The following ZMYND12 variants were observed in gnomAD, a reference collection of about 807,000 sequenced individuals.
The protein encoded by ZMYND12 is zinc finger MYND domain-containing protein 12.
ZMYND12 carries 32 observed loss-of-function variants against 41.7 expected under a neutral mutation model. The ratio of observed to expected loss-of-function variants is 0.77; its 90% confidence interval spans 0.58 to 1.03. ZMYND12 has a LOEUF of 1.03. ZMYND12 is among the 50% of genes least tolerant of loss of function. The pLI, the probability that ZMYND12 is intolerant of heterozygous loss-of-function variation, is 0.00. For synonymous variants in ZMYND12, 148 were observed against 164.8 expected, an observed-to-expected ratio of 0.90 and a Z score of 0.78; for missense variants, 424 against 438.5, an observed-to-expected ratio of 0.97 and a Z score of 0.30.
At chr1:42,445,557 AGAG>A (rs1643015458) in intron 3 of ZMYND12, among the ~76,000 whole-genome samples, 1 of 152,080 alleles carries the variant, frequency 6.6e-6, no homozygotes. Context: ...GGTGAAGGGA[AGAG>A]GAGGAGAAGC....
chr1:42,445,646 C>T (rs889470772), intron 3 of ZMYND12, among the ~76,000 whole-genome samples: 8 of 151,842 alleles, frequency 5.3e-5, no homozygotes, highest in South Asian at 4.2e-4. Flanking sequence ...GAAGGCCGGT[C>T]GGTGTAACTG....
intron 7 of ZMYND12, among the ~76,000 whole-genome samples, chr1:42,431,697 C>T (rs1379635430): frequency 6.6e-6 from 1 of 152,138 alleles, no homozygotes; most frequent in African/African-American, 2.4e-5. Flanking sequence ...TTGGACATTG[C>T]ACCGTAGAAA....
At chr1:42,432,360 C>A (rs1255992861) in intron 7 of ZMYND12, among the ~76,000 whole-genome samples, 6 of 152,142 alleles carry the variant, frequency 3.9e-5, no homozygotes, top group African/African-American at 1.4e-4. Context: ...CTGTGCCTGG[C>A]TAGTTTTCTT....
At chr1:42,453,879 T>C (rs1166742961) in intron 1 of ZMYND12, among the ~76,000 whole-genome samples, 1 of 152,208 alleles carries the variant, frequency 6.6e-6, no homozygotes, top group Non-Finnish European at 1.5e-5. Context: ...CAGATGTTCA[T>C]TGAGTGTCTG....
At position 42,439,974 on chromosome 1, in the gene ZMYND12, G is replaced by C. The variant is rs756762430; in HGVS notation, c.476C>G (p.Thr159Arg). 4 of 1,613,908 alleles carry C rather than the reference G, an allele frequency of 2.5e-6. No individual in the cohort carries two copies. Among genetic ancestry groups the C allele is most frequent in the African/African-American group, 1.3e-5 (1 of 75,004 alleles). The change falls in exon 4 of 8, where the codon ACA (threonine) becomes AGA (arginine). Residue 159 changes from threonine to arginine, a missense_variant. Transcript: ENST00000372565. The stretch of plus-strand genomic sequence containing the variant: ...ACTACAGTCAGTTGATTTGAGGACT[G>C]TCCACTGGGCTTGGAATAGATATTC... Reference protein sequence around the residue: ...AEEYLFQAQWTVLKSTDCSNA... With the variant: ...AEEYLFQAQWRVLKSTDCSNA...
intron 4 of ZMYND12, among the ~76,000 whole-genome samples, chr1:42,438,498 G>A (rs1642930767): frequency 6.6e-6 from 1 of 152,160 alleles, no homozygotes; most frequent in African/African-American, 2.4e-5. Flanking sequence ...TGGCCACAGA[G>A]GAACACTGTT....
rs1570346393 is a variant in ZMYND12, at chr1:42,435,259, A to G, written c.829+15T>C. 4 of 1,592,852 alleles carry G rather than the reference A, an allele frequency of 2.5e-6. No homozygotes were observed. In the East Asian group the frequency reaches 6.7e-5, roughly 27 times the overall value. On this transcript the variant is annotated intron_variant, in intron 6 of 7. Transcript: ENST00000372565. ...TGAAGTCACTGCTCTCCCTTCAGGG[A>G]AAACTGCCACTTACCCAAGCCAGTG... is the stretch of plus-strand genomic sequence containing the variant.
In ZMYND12 at chr1:42,448,501, C is replaced by G; in HGVS notation, c.390G>C (p.Val130=). ...CCTCGGCCAACAGCAGGTAAGCAGG[C>G]ACAAGCTCTACGGAGCTCAGGCCAT... ...KLYGLSSVEL[V]PAYLLLAEAS... is the part of the protein sequence containing the mutation. Residue 130 remains valine, a synonymous_variant, in exon 3 of 8, where the codon GTG becomes GTC. Transcript: ENST00000372565. 1 of 1,607,044 alleles carries G rather than the reference C, an allele frequency of 6.2e-7. No homozygotes were observed. The highest frequency in any genetic ancestry group is 1.3e-5 in the African/African-American group (1 of 74,732).
intron 3 of ZMYND12, among the ~76,000 whole-genome samples, chr1:42,440,231 T>A (rs1028515329): frequency 1.3e-5 from 2 of 150,650 alleles, no homozygotes; most frequent in African/African-American, 4.9e-5. Flanking sequence ...CATCAGCTGA[T>A]GAGTGGATGA....
intron 5 of ZMYND12, 143 bp from the exon 6 acceptor site, chr1:42,435,528 C>T: frequency 4.9e-6 from 3 of 617,866 alleles, no homozygotes; most frequent in Non-Finnish European, 8.7e-6. Context: ...GCAGAGGGAA[C>T]CCTAGGAGCC....
intron 1 of ZMYND12, among the ~76,000 whole-genome samples, chr1:42,451,453 G>T (rs1167083176): frequency 6.6e-6 from 1 of 152,108 alleles, no homozygotes; most frequent in Non-Finnish European, 1.5e-5. Context: ...TTCAAAACAG[G>T]TAACAATAAT....
chr1:42,432,561 T>G (rs1255575523), intron 7 of ZMYND12, among the ~76,000 whole-genome samples: 1 of 152,044 alleles, frequency 6.6e-6, no homozygotes. Flanking sequence ...AACCAATAAG[T>G]CAATAAACCT....
chr1:42,437,421 G>C (rs1367456632), intron 4 of ZMYND12, among the ~76,000 whole-genome samples: 1 of 142,904 alleles, frequency 7.0e-6, no homozygotes, highest in African/African-American at 2.6e-5. Context: ...TGAATTTTAT[G>C]GTATATATCA....
At chr1:42,432,900 A>T in intron 7 of ZMYND12, 1 of 446,840 alleles carries the variant, frequency 2.2e-6, no homozygotes, top group Non-Finnish European at 3.9e-6. Flanking sequence ...GCTTCCCAGC[A>T]CTGCCTCAGA....
intron 4 of ZMYND12, among the ~76,000 whole-genome samples, chr1:42,437,995 G>C (rs1642926424): frequency 6.6e-6 from 1 of 151,966 alleles, no homozygotes; most frequent in Admixed American, 6.6e-5. Flanking sequence ...ATTTTTCATA[G>C]AGACGGGGTT....
rs36121721 is a variant in ZMYND12 at position 42,455,953 on chromosome 1, G to A, written c.45C>T (p.Leu15=). The A allele has an allele frequency of 7.7e-3, 12,368 of 1,613,694 alleles. 822 individuals are homozygous for A. In the African/African-American group the frequency reaches 0.14, roughly 18 times the overall value. Residue 15 remains leucine, a synonymous_variant, in exon 1 of 8, where the codon CTC becomes CTT. Coordinates refer to ENST00000372565, the MANE Select transcript of ZMYND12 (RefSeq NM_032257.5). ...CTGGGGCTTCGCACACCTCACAGCA[G>A]AGTCTGCGCCCCTTGGGGACTGCCA... The part of the protein sequence containing the change: ...YPLAVPKGRR[L]CCEVCEAPAE...
intron 1 of ZMYND12, among the ~76,000 whole-genome samples, chr1:42,454,886 T>C (rs886315935): frequency 4.6e-5 from 7 of 151,978 alleles, no homozygotes; most frequent in African/African-American, 1.7e-4. Flanking sequence ...ACTCAACCTA[T>C]AGTAAGAAAT....
At chr1:42,450,110 G>C (rs1311850766) in intron 1 of ZMYND12, 51 bp from the exon 2 acceptor site, 8 of 1,599,270 alleles carry the variant, frequency 5.0e-6, no homozygotes, top group Non-Finnish European at 6.8e-6. Flanking sequence ...CATGACTTAA[G>C]ATTCCATTAA....
chr1:42,449,813 C>T, intron 2 of ZMYND12, 105 bp downstream of exon 2: 1 of 1,389,072 alleles, frequency 7.2e-7, no homozygotes, highest in Non-Finnish European at 9.7e-7. Context: ...AAAGTCTCTG[C>T]CCTCCGTGAG....
Sources: allele counts gnomAD v4.1 joint callset (sites outside exome capture counted in the v4.1 genomes callset), GRCh38; gene constraint gnomAD v4.1.1; transcripts MANE v1.5; gene names NCBI Gene and HGNC (gene_info 2026-07-23, HGNC 2026-07-21).